The following DOCK9 variants were observed in gnomAD, a reference collection of about 807,000 sequenced individuals.
The protein encoded by DOCK9 is dedicator of cytokinesis 9.
DOCK9 carries 89 observed loss-of-function variants against 263.3 expected under a neutral mutation model. The observed-to-expected ratio is 0.34, with a 90% CI of 0.28 to 0.40. The LOEUF is 0.40. Ranked by LOEUF, DOCK9 falls within the 10% of genes least tolerant of loss-of-function variation. The probability of loss-of-function intolerance (pLI) is 1.00; values close to 1 mark genes in which losing one functional copy is unlikely to be tolerated. For missense variants in DOCK9, 2,140 were observed against 2,603.4 expected, an observed-to-expected ratio of 0.82 and a Z score of 3.87; for synonymous variants, 976 against 973.1, an observed-to-expected ratio of 1.00 and a Z score of -0.06.
chr13:99,073,058 G>A (rs1298530296), intron 1 of DOCK9, among the ~76,000 whole-genome samples: 1 of 152,134 alleles, frequency 6.6e-6, no homozygotes, highest in Non-Finnish European at 1.5e-5. Context: ...CAAGGTTGCA[G>A]AGTGTCTCAC....
At chr13:98,931,358 G>T (rs1483925018) in intron 2 of DOCK9, among the ~76,000 whole-genome samples, 2 of 151,550 alleles carry the variant, frequency 1.3e-5, no homozygotes, top group Non-Finnish European at 2.9e-5. Flanking sequence ...GAGTGCAGTG[G>T]CGCAATCTCA....
chr13:98,931,359 C>T (rs1209171007), intron 2 of DOCK9, among the ~76,000 whole-genome samples: 7 of 151,692 alleles, frequency 4.6e-5, no homozygotes, highest in South Asian at 4.2e-4. Context: ...AGTGCAGTGG[C>T]GCAATCTCAG....
At chr13:98,797,978 C>T (rs915655889) in intron 50 of DOCK9, among the ~76,000 whole-genome samples, 3 of 152,198 alleles carry the variant, frequency 2.0e-5, no homozygotes, top group African/African-American at 7.2e-5. Context: ...ATTGTATAGA[C>T]AGCCATGGGC....
intron 9 of DOCK9, 76 bp from the exon 10 acceptor site, chr13:98,904,782 T>C (rs2048837775): frequency 1.5e-6 from 2 of 1,305,116 alleles, no homozygotes; most frequent in Non-Finnish European, 1.1e-6. Context: ...ATTTAAAAGC[T>C]GCCCAGTCCT....
chr13:98,984,397 G>A (rs542511968), intron 1 of DOCK9, among the ~76,000 whole-genome samples: 12 of 152,160 alleles, frequency 7.9e-5, no homozygotes, highest in Non-Finnish European at 2.9e-5. Context: ...ATGCCAGTTG[G>A]ACAACTCGAA....
chr13:98,809,295 GT>G, intron 47 of DOCK9, 56 bp downstream of exon 47: 2 of 1,447,302 alleles, frequency 1.4e-6, no homozygotes, highest in South Asian at 1.3e-5. Context: ...TTTTGTTTTT[GT>G]TTTTGTTTTT....
chr13:98,896,358 T>C (rs1331127559), intron 15 of DOCK9, among the ~76,000 whole-genome samples: 2 of 152,166 alleles, frequency 1.3e-5, no homozygotes, highest in African/African-American at 2.4e-5. Context: ...TTGAGCCTGT[T>C]TCTATGACTC....
intron 4 of DOCK9, among the ~76,000 whole-genome samples, chr13:98,923,804 G>A (rs1228431736): frequency 6.6e-6 from 1 of 152,098 alleles, no homozygotes; most frequent in Non-Finnish European, 1.5e-5. Context: ...TTACTCAATG[G>A]GTATGACGTG....
intron 1 of DOCK9, among the ~76,000 whole-genome samples, chr13:99,069,719 T>C (rs2041586143): frequency 6.6e-6 from 1 of 152,240 alleles, no homozygotes; most frequent in Non-Finnish European, 1.5e-5. Flanking sequence ...CACTTTCATG[T>C]CACGCATTTC....
intron 1 of DOCK9, among the ~76,000 whole-genome samples, chr13:98,975,928 A>AG (rs1373341494): frequency 6.6e-6 from 1 of 152,306 alleles, no homozygotes; most frequent in Admixed American, 6.5e-5. Flanking sequence ...CTTCTGAAAA[A>AG]TCATCTTGAG....
intron 1 of DOCK9, chr13:99,015,408 C>A (rs780942654): frequency 6.7e-7 from 1 of 1,501,154 alleles, no homozygotes; most frequent in Non-Finnish European, 9.0e-7. Flanking sequence ...TATTCTAACA[C>A]CATTAAACTA....
intron 1 of DOCK9, among the ~76,000 whole-genome samples, chr13:98,974,039 G>T (rs190553234): frequency 4.6e-5 from 7 of 152,268 alleles, no homozygotes; most frequent in Non-Finnish European, 8.8e-5. Context: ...CCCAATGAAA[G>T]GGCTGCATAA....
intron 1 of DOCK9, among the ~76,000 whole-genome samples, chr13:99,043,775 T>C (rs1042516150): frequency 6.6e-6 from 1 of 152,276 alleles, no homozygotes; most frequent in Middle Eastern, 3.4e-3. Context: ...ACCCACATCC[T>C]TTCCACAATC....
intron 36 of DOCK9, 94 bp downstream of exon 36, chr13:98,849,953 A>C: frequency 1.1e-6 from 1 of 879,232 alleles, no homozygotes; most frequent in East Asian, 2.7e-5. Flanking sequence ...TGTGACATAC[A>C]CTACTCCTCT....
chr13:98,836,553 G>C (rs1045901895), intron 39 of DOCK9, among the ~76,000 whole-genome samples: 1 of 152,080 alleles, frequency 6.6e-6, no homozygotes, highest in African/African-American at 2.4e-5. Context: ...CACTCTGAGA[G>C]CCCCTGTAGT....
intron 37 of DOCK9, chr13:98,847,287 T>C (rs2093421171): frequency 6.6e-6 from 1 of 152,474 alleles, no homozygotes; most frequent in South Asian, 2.1e-4. Context: ...CAGAATTTAC[T>C]GTTTGCCCAT....
Position 98,809,353 on chromosome 13 carries a change from T to C in DOCK9, c.5366A>G (p.Gln1789Arg). Residue 1789 changes from glutamine (Q) to arginine (R), a missense_variant and splice_region_variant, in exon 47 of 53, where the codon CAG becomes CGG. Physicochemically the swap from Gln to Arg is conservative, Grantham distance 43 (BLOSUM62 1). This residue lies in a region of DOCK9 where 619 missense variants were observed against 861.8 expected (regional missense o/e 0.72). Transcript: ENST00000682017. ...CTGCAGAATGGACAGGAGGCTCACCTGCCCGAAGAAGGCTACCCGGAAGTA... is the reference window on the plus strand; with the variant it reads ...CTGCAGAATGGACAGGAGGCTCACCCGCCCGAAGAAGGCTACCCGGAAGTA... ...GTYFRVAFFG[Q>R]GFFEDEDGKE... 6.2e-7 allele frequency: 1 copy of C among 1,613,272 alleles called. No individual in the cohort carries two copies. Among genetic ancestry groups the C allele is most frequent in the Non-Finnish European group, 8.5e-7 (1 of 1,179,382 alleles).
intron 1 of DOCK9, among the ~76,000 whole-genome samples, chr13:99,054,976 C>G (rs1487884125): frequency 6.6e-6 from 1 of 152,148 alleles, no homozygotes; most frequent in Non-Finnish European, 1.5e-5. Flanking sequence ...AACCAAAGAG[C>G]TAAATCAGTC....
rs1300880806 is a variant in DOCK9 at position 99,003,726 on chromosome 13, C to G, written c.130-48175G>C. Among the ~76,000 whole-genome samples, 3 of 152,212 alleles carry G rather than the reference C, an allele frequency of 2.0e-5. No individual in the cohort carries two copies. The East Asian group carries it at 5.8e-4, about 29-fold the overall frequency. ...CTTAAATCTTCTATCTCCTCCACCA[C>G]CTGCTTCAGGCCACCATCACCTGTG... On this transcript the variant is annotated intron_variant, in intron 1 of 32. Transcript: ENST00000427887.
Sources: allele counts gnomAD v4.1 joint callset (sites outside exome capture counted in the v4.1 genomes callset), GRCh38; gene constraint gnomAD v4.1.1; regional missense constraint gnomAD v4.1.1; transcripts MANE v1.5; gene names NCBI Gene and HGNC (gene_info 2026-07-23, HGNC 2026-07-21).